The following KCNMA1 variants were observed in gnomAD, a reference collection of about 807,000 sequenced individuals.
The protein encoded by KCNMA1 is Calcium-activated potassium channel subunit alpha-1.
KCNMA1 carries 29 observed loss-of-function variants against 140.0 expected under a neutral mutation model. That is an observed-to-expected ratio of 0.21 (90% CI 0.15 to 0.28). The LOEUF (loss-of-function observed/expected upper bound fraction) is 0.28, where lower values mean the gene tolerates loss of function less well. KCNMA1 is among the 10% of genes least tolerant of loss of function. KCNMA1 has a pLI of 1.00. For missense variants in KCNMA1, 880 were observed against 1,602.2 expected (o/e 0.55, Z 7.70); for synonymous variants, 612 against 611.9 (o/e 1.00, Z 0.00).
At chr10:77,441,150 T>A (rs1445557175) in intron 1 of KCNMA1, among the ~76,000 whole-genome samples, 1 of 152,060 alleles carries the variant, frequency 6.6e-6, no homozygotes, top group Admixed American at 6.6e-5. Flanking sequence ...GGGCCAGCTC[T>A]CATGTTTGGA....
chr10:77,171,400 C>CGTGTGTGTGTGTGTGTGTGTGT (rs60927086), intron 5 of KCNMA1, among the ~76,000 whole-genome samples: 1 of 128,932 alleles, frequency 7.8e-6, no homozygotes, highest in African/African-American at 2.6e-5. Context: ...TGTGTGTGTG[C>CGTGTGTGTGTGTGTGTGTGTGT]GTGTGTGTGT....
chr10:77,274,780 T>C (rs979913325), intron 2 of KCNMA1, among the ~76,000 whole-genome samples: 1 of 152,212 alleles, frequency 6.6e-6, no homozygotes, highest in Non-Finnish European at 1.5e-5. Flanking sequence ...CTATCGATTG[T>C]CAGAGGAAAT....
chr10:77,196,032 A>G (rs577315334), intron 3 of KCNMA1, among the ~76,000 whole-genome samples: 1 of 152,320 alleles, frequency 6.6e-6, no homozygotes, highest in African/African-American at 2.4e-5. Flanking sequence ...GGAAAGAAAT[A>G]TGATGAATTA....
At chr10:77,372,478 G>C (rs2094806779) in intron 2 of KCNMA1, among the ~76,000 whole-genome samples, 2 of 152,156 alleles carry the variant, frequency 1.3e-5, no homozygotes, top group East Asian at 1.9e-4. Context: ...TCCCAGTTCA[G>C]TGTTCCTCTC....
At chr10:77,117,584 AAATT>A (rs1033796624) in intron 6 of KCNMA1, among the ~76,000 whole-genome samples, 1 of 151,796 alleles carries the variant, frequency 6.6e-6, no homozygotes, top group African/African-American at 2.4e-5. Context: ...AAGAAAAGAA[AAATT>A]AGAGGAAACA....
intron 2 of KCNMA1, among the ~76,000 whole-genome samples, chr10:77,372,511 C>T (rs1296759268): frequency 6.6e-6 from 1 of 152,174 alleles, no homozygotes; most frequent in African/African-American, 2.4e-5. Flanking sequence ...TCTTCCTTTA[C>T]TCAGCCAAGT....
At chr10:76,930,843 A>G (rs1392986448) in intron 23 of KCNMA1, among the ~76,000 whole-genome samples, 2 of 152,250 alleles carry the variant, frequency 1.3e-5, no homozygotes, top group Non-Finnish European at 2.9e-5. Flanking sequence ...ATTCAACAAC[A>G]TAGATGAACT....
Position 76,886,986 on chromosome 10 carries a change from T to C in KCNMA1, c.*280A>G. On this transcript the variant is annotated 3_prime_UTR_variant, in exon 28 of 28. Transcript: ENST00000286628. The stretch of plus-strand genomic sequence containing the variant: ...CCCTTCTAATCTGTGAACTCGTTCC[T>C]GCAGTGAGCTATTTATGTCTGGAGC... 1 of 1,271,832 alleles carries C rather than the reference T, an allele frequency of 7.9e-7. No homozygotes were observed. 78.8% of individuals were successfully genotyped at this position (1,271,832 alleles called of 1,614,324 possible).
At chr10:77,245,784 T>G (rs1309543951) in intron 3 of KCNMA1, among the ~76,000 whole-genome samples, 1 of 152,132 alleles carries the variant, frequency 6.6e-6, no homozygotes, top group Non-Finnish European at 1.5e-5. Flanking sequence ...TCTTTCTACT[T>G]GGAAAGACAC....
At chr10:76,879,883 G>A (rs1325296533), downstream of KCNMA1, among the ~76,000 whole-genome samples, 5 of 152,182 alleles carry the variant, frequency 3.3e-5, no homozygotes, top group Non-Finnish European at 5.9e-5. Flanking sequence ...TTGCCAGGCC[G>A]CTGAAACAAT....
chr10:77,258,946 G>A (rs2061394869), intron 2 of KCNMA1, among the ~76,000 whole-genome samples: 1 of 150,904 alleles, frequency 6.6e-6, no homozygotes, highest in African/African-American at 2.4e-5. Flanking sequence ...CTGGGCAACA[G>A]AGCGAGACTC....
chr10:77,499,224 GAA>G (rs1291564886), intron 1 of KCNMA1, among the ~76,000 whole-genome samples: 1 of 151,676 alleles, frequency 6.6e-6, no homozygotes, highest in Non-Finnish European at 1.5e-5. Context: ...AAATGAAGAG[GAA>G]AAAAATACAG....
chr10:77,461,147 T>C (rs994182173), intron 1 of KCNMA1, among the ~76,000 whole-genome samples: 2 of 151,902 alleles, frequency 1.3e-5, no homozygotes, highest in East Asian at 3.9e-4. Context: ...ATGTACACTA[T>C]TTGGGTGATG....
chr10:77,174,780 A>G (rs1011371599), intron 5 of KCNMA1, among the ~76,000 whole-genome samples: 4 of 152,218 alleles, frequency 2.6e-5, no homozygotes, highest in African/African-American at 9.6e-5. Flanking sequence ...ACTGCATTCT[A>G]ACAAGATCTC....
chr10:77,061,425 G>C (rs925605159), intron 14 of KCNMA1, among the ~76,000 whole-genome samples: 1 of 152,126 alleles, frequency 6.6e-6, no homozygotes, highest in Non-Finnish European at 1.5e-5. Flanking sequence ...CATCAGTAGG[G>C]AAATACACGT....
chr10:77,143,352 A>C (rs991576326), intron 5 of KCNMA1, among the ~76,000 whole-genome samples: 5 of 152,306 alleles, frequency 3.3e-5, no homozygotes, highest in African/African-American at 1.2e-4. Context: ...GCATCAAAAA[A>C]TAATGAAACT....
chr10:77,121,744 G>C (rs887194141), intron 5 of KCNMA1, among the ~76,000 whole-genome samples: 3 of 152,200 alleles, frequency 2.0e-5, no homozygotes, highest in African/African-American at 4.8e-5. Flanking sequence ...AAGAGAGATG[G>C]AGAAGGAAAA....
intron 1 of KCNMA1, among the ~76,000 whole-genome samples, chr10:77,463,346 T>A (rs1370232819): frequency 1.3e-5 from 2 of 152,166 alleles, no homozygotes; most frequent in Non-Finnish European, 1.5e-5. Context: ...TATCTGGACC[T>A]CAGTGTTTCC....
At chr10:77,110,081 A>G in intron 8 of KCNMA1, 92 bp downstream of exon 8, 1 of 1,131,800 alleles carries the variant, frequency 8.8e-7, no homozygotes, top group Non-Finnish European at 1.3e-6. Context: ...CTAGTGCAGA[A>G]TACAGTCTAA....
Sources: gnomAD v4.1 joint callset for allele counts (sites outside exome capture counted in the v4.1 genomes callset) on GRCh38, gnomAD v4.1.1 for gene constraint, MANE v1.5 for transcripts, NCBI Gene and HGNC (gene_info 2026-07-23, HGNC 2026-07-21) for gene names.